Variants in ANO2 observed in about 807,000 individuals in gnomAD.
ANO2 encodes anoctamin 2.
ANO2 carries 101 observed loss-of-function variants against 124.2 expected under a neutral mutation model. The observed-to-expected ratio is 0.81, with a 90% CI of 0.69 to 0.96. The LOEUF (loss-of-function observed/expected upper bound fraction) is 0.96, where lower values mean the gene tolerates loss of function less well. Among genes scored for constraint, ANO2 ranks in the 40% least tolerant of loss-of-function variants. ANO2 has a pLI of 0.00. For missense variants in ANO2, 1,293 were observed against 1,274.5 expected, an observed-to-expected ratio of 1.01 and a Z score of -0.22; for synonymous variants, 486 against 482.5, an observed-to-expected ratio of 1.01 and a Z score of -0.09.
At chr12:5,759,300 T>G (rs1375687770) in intron 10 of ANO2, among the ~76,000 whole-genome samples, 1 of 152,146 alleles carries the variant, frequency 6.6e-6, no homozygotes, top group Non-Finnish European at 1.5e-5. Context: ...AAAATTTTAA[T>G]TAAGCTTGTG....
chr12:5,599,723 A>G (rs1271512732), intron 19 of ANO2, 94 bp from the exon 20 acceptor site: 1 of 1,367,972 alleles, frequency 7.3e-7, no homozygotes, highest in Non-Finnish European at 1.0e-6. Context: ...AAGTTTTGAC[A>G]CTAAAGCCAT....
chr12:5,916,391 C>T (rs1941375762), intron 3 of ANO2, among the ~76,000 whole-genome samples: 1 of 147,486 alleles, frequency 6.8e-6, no homozygotes, highest in South Asian at 2.3e-4. Context: ...AAAACAGTAC[C>T]TTCTATGTAA....
At chr12:5,628,933 GGC>G (rs1945555130) in intron 16 of ANO2, among the ~76,000 whole-genome samples, 1 of 152,224 alleles carries the variant, frequency 6.6e-6, no homozygotes, top group Non-Finnish European at 1.5e-5. Flanking sequence ...GTATGAGGTG[GGC>G]CCTCAATGGA....
chr12:5,585,544 T>A (rs997096757), intron 20 of ANO2, among the ~76,000 whole-genome samples: 1 of 152,198 alleles, frequency 6.6e-6, no homozygotes, highest in African/African-American at 2.4e-5. Context: ...GAGACTTGAG[T>A]TGGCAAGATC....
intron 3 of ANO2, among the ~76,000 whole-genome samples, chr12:5,895,818 GA>G (rs894998195): frequency 2.0e-5 from 3 of 151,776 alleles, no homozygotes; most frequent in African/African-American, 7.3e-5. Flanking sequence ...GTCATTATAT[GA>G]AAAACACACA....
chr12:5,868,345 C>T (rs1310547469), intron 3 of ANO2, among the ~76,000 whole-genome samples: 1 of 152,070 alleles, frequency 6.6e-6, no homozygotes, highest in Non-Finnish European at 1.5e-5. Context: ...GCTGAAAATC[C>T]CAGCTCTGCC....
intron 10 of ANO2, among the ~76,000 whole-genome samples, chr12:5,774,365 C>G (rs1420093668): frequency 6.6e-6 from 1 of 152,112 alleles, no homozygotes; most frequent in Non-Finnish European, 1.5e-5. Context: ...TACTCAGAGG[C>G]TGAGGTGGGA....
At chr12:5,718,389 G>C (rs1240662689) in intron 14 of ANO2, among the ~76,000 whole-genome samples, 1 of 152,214 alleles carries the variant, frequency 6.6e-6, no homozygotes, top group African/African-American at 2.4e-5. Context: ...GGATACTTCA[G>C]AACAGGGGTG....
chr12:5,674,706 T>C (rs866134233), intron 14 of ANO2, among the ~76,000 whole-genome samples: 18 of 152,314 alleles, frequency 1.2e-4, no homozygotes, highest in Middle Eastern at 3.4e-3. Flanking sequence ...GTGGTTATGA[T>C]TGCTGGGTTT....
chr12:5,680,559 C>G (rs1948447781), intron 14 of ANO2, among the ~76,000 whole-genome samples: 1 of 152,108 alleles, frequency 6.6e-6, no homozygotes, highest in Non-Finnish European at 1.5e-5. Flanking sequence ...TGTGTGGGCT[C>G]AGAGAGCTGC....
intron 12 of ANO2, among the ~76,000 whole-genome samples, chr12:5,742,703 G>A (rs527321132): frequency 6.6e-6 from 1 of 152,300 alleles, no homozygotes; most frequent in African/African-American, 2.4e-5. Context: ...ATATCTGCAA[G>A]ACAAATTATG....
chr12:5,599,359 T>C (rs917489070), intron 20 of ANO2, 125 bp downstream of exon 20: 4 of 1,180,342 alleles, frequency 3.4e-6, no homozygotes, highest in East Asian at 2.5e-5. Context: ...TGAATAGCCA[T>C]GAAGCTCATG....
chr12:5,613,387 A>G (rs1944643647), intron 17 of ANO2, among the ~76,000 whole-genome samples: 2 of 152,236 alleles, frequency 1.3e-5, no homozygotes. Context: ...GAGATGGACT[A>G]AAGTTGCGAA....
chr12:5,672,866 C>G (rs541078114), intron 14 of ANO2, among the ~76,000 whole-genome samples: 2 of 152,288 alleles, frequency 1.3e-5, no homozygotes, highest in East Asian at 3.9e-4. Flanking sequence ...ACACGACTTT[C>G]TTTTTGTTTG....
chr12:5,808,976 A>C (rs1248940201), intron 7 of ANO2, among the ~76,000 whole-genome samples: 2 of 152,202 alleles, frequency 1.3e-5, no homozygotes, highest in African/African-American at 2.4e-5. Context: ...GCCCAGTAGA[A>C]GTGGCTGCTC....
chr12:5,613,743 T>C (rs1183585909), intron 17 of ANO2, among the ~76,000 whole-genome samples: 1 of 152,234 alleles, frequency 6.6e-6, no homozygotes, highest in Non-Finnish European at 1.5e-5. Context: ...GATCACTTAC[T>C]GGATAGAATC....
At chr12:5,744,658 T>C (rs1951213250) in intron 11 of ANO2, among the ~76,000 whole-genome samples, 1 of 152,152 alleles carries the variant, frequency 6.6e-6, no homozygotes, top group Non-Finnish European at 1.5e-5. Context: ...ATGGGATGCA[T>C]CCACAGTTGT....
At chr12:5,865,334 C>T (rs148370772) in intron 3 of ANO2, among the ~76,000 whole-genome samples, 2 of 150,906 alleles carry the variant, frequency 1.3e-5, no homozygotes, top group African/African-American at 4.9e-5. Flanking sequence ...CACCATCATG[C>T]CACCACACCA....
chr12:5,673,552 T>G (rs546032790), intron 14 of ANO2, among the ~76,000 whole-genome samples: 1 of 152,348 alleles, frequency 6.6e-6, no homozygotes, highest in South Asian at 2.1e-4. Flanking sequence ...ATGGCCTAAC[T>G]GTACTAAAGC....
Sources: allele counts gnomAD v4.1 joint callset (sites outside exome capture counted in the v4.1 genomes callset), GRCh38; gene constraint gnomAD v4.1.1; transcripts MANE v1.5; gene names NCBI Gene and HGNC (gene_info 2026-07-23, HGNC 2026-07-21).